KIAA1328: variants seen among roughly 807,000 people sequenced by gnomAD.
The protein encoded by KIAA1328 is KIAA1328.
In KIAA1328, 52 loss-of-function variants were observed where a neutral mutation model predicts 68.1. The observed-to-expected ratio is 0.76, with a 90% confidence interval of 0.61 to 0.96. The LOEUF is 0.96. KIAA1328 is among the 40% of genes least tolerant of loss of function. The pLI, the probability that KIAA1328 is intolerant of heterozygous loss-of-function variation, is 0.00. For missense variants in KIAA1328, 641 were observed against 677.6 expected (o/e 0.95, Z 0.60); for synonymous variants, 232 against 239.4 (o/e 0.97, Z 0.28).
At chr18:36,837,264 A>T (rs2046709488) in intron 3 of KIAA1328, among the ~76,000 whole-genome samples, 1 of 152,134 alleles carries the variant, frequency 6.6e-6, no homozygotes, top group Non-Finnish European at 1.5e-5. Context: ...ATTTATGTCC[A>T]TCTTTTTTGA....
chr18:37,098,650 T>G (rs770825156), intron 7 of KIAA1328, among the ~76,000 whole-genome samples: 1 of 152,220 alleles, frequency 6.6e-6, no homozygotes, highest in Non-Finnish European at 1.5e-5. Flanking sequence ...GAAGGAATGG[T>G]ACCAGTTCCT....
intron 7 of KIAA1328, among the ~76,000 whole-genome samples, chr18:37,118,045 C>CT (rs888310133): frequency 6.8e-6 from 1 of 146,032 alleles, no homozygotes; most frequent in Admixed American, 6.8e-5. Context: ...AATTTGGTCG[C>CT]TCAGGCTGGC....
At chr18:37,037,848 TC>T (rs2151609582) in intron 6 of KIAA1328, among the ~76,000 whole-genome samples, 1 of 152,190 alleles carries the variant, frequency 6.6e-6, no homozygotes, top group East Asian at 1.9e-4. Context: ...ACACCTGTAA[TC>T]CCAGCACTTT....
intron 4 of KIAA1328, among the ~76,000 whole-genome samples, chr18:36,845,417 T>G (rs1414402175): frequency 6.6e-6 from 1 of 151,760 alleles, no homozygotes; most frequent in Non-Finnish European, 1.5e-5. Flanking sequence ...TTTGATGGTA[T>G]TGAAAAGCTA....
At chr18:36,886,049 A>G (rs2048490454) in intron 5 of KIAA1328, 1 of 206,448 alleles carries the variant, frequency 4.8e-6, no homozygotes, top group Non-Finnish European at 9.6e-6. Flanking sequence ...GACAATGTAA[A>G]CTCCAGAGAA....
intron 5 of KIAA1328, among the ~76,000 whole-genome samples, chr18:36,932,902 A>G (rs1320538488): frequency 6.6e-6 from 1 of 152,226 alleles, no homozygotes; most frequent in African/African-American, 2.4e-5. Context: ...GAAAAATAAT[A>G]AAAACACAGA....
chr18:36,944,712 A>G (rs775269664), intron 5 of KIAA1328, among the ~76,000 whole-genome samples: 9 of 152,222 alleles, frequency 5.9e-5, no homozygotes, highest in Admixed American at 2.0e-4. Context: ...AGCAATCAGT[A>G]AGGAAGAAAC....
intron 4 of KIAA1328, among the ~76,000 whole-genome samples, chr18:36,870,456 AT>A (rs1239276893): frequency 6.6e-6 from 1 of 151,208 alleles, no homozygotes; most frequent in Admixed American, 6.7e-5. Context: ...AAATATTAAA[AT>A]TATTCCATTA....
chr18:37,144,260 A>G (rs1373733062), intron 7 of KIAA1328, among the ~76,000 whole-genome samples: 1 of 152,148 alleles, frequency 6.6e-6, no homozygotes, highest in East Asian at 1.9e-4. Flanking sequence ...TAGTGATACC[A>G]TCTCTGATTC....
Position 37,224,712 on chromosome 18 carries a change from A to G in KIAA1328, c.*2485A>G. 7 of 985,422 alleles carry G rather than the reference A, an allele frequency of 7.1e-6. No individual in the cohort carries two copies. The highest frequency in any genetic ancestry group is 8.4e-6 in the Non-Finnish European group (7 of 829,938). The allele number at this position is 985,422 out of a possible 1,614,324, so 61.0% of individuals were successfully genotyped here. On this transcript the variant is annotated 3_prime_UTR_variant, in exon 10 of 10. Coordinates refer to ENST00000280020, the MANE Select transcript of KIAA1328 (RefSeq NM_020776.3). ...AGGAATCTGCCTTTCCTCCGTCTCA[A>G]GTCTCCCACCCTTGACTGGTTGGGA...
At chr18:37,029,462 C>T (rs960563911) in intron 6 of KIAA1328, among the ~76,000 whole-genome samples, 2 of 152,094 alleles carry the variant, frequency 1.3e-5, no homozygotes, top group Non-Finnish European at 2.9e-5. Context: ...CAACTTCCAC[C>T]TCCCGGGCTC....
chr18:36,863,396 C>T (rs1239858836), intron 4 of KIAA1328, among the ~76,000 whole-genome samples: 1 of 151,994 alleles, frequency 6.6e-6, no homozygotes, highest in Non-Finnish European at 1.5e-5. Context: ...GTGTCTATTT[C>T]TCTGTCAACT....
At chr18:36,940,150 A>G (rs545593076) in intron 5 of KIAA1328, among the ~76,000 whole-genome samples, 122 of 152,348 alleles carry the variant, frequency 8.0e-4, no homozygotes, top group Admixed American at 1.6e-3. Context: ...GCTTTTCTTG[A>G]CTTCAGAAGT....
At chr18:36,930,627 G>T (rs1412133785) in intron 5 of KIAA1328, among the ~76,000 whole-genome samples, 1 of 152,144 alleles carries the variant, frequency 6.6e-6, no homozygotes, top group East Asian at 1.9e-4. Flanking sequence ...TGGGCATTTT[G>T]ATTCTTACAA....
intron 6 of KIAA1328, among the ~76,000 whole-genome samples, chr18:37,041,191 AT>A (rs1323142733): frequency 1.3e-5 from 2 of 151,754 alleles, no homozygotes; most frequent in Non-Finnish European, 2.9e-5. Flanking sequence ...TTCTTTTTCA[AT>A]TTTGTCAATT....
At chr18:37,108,196 G>C (rs555949749) in intron 7 of KIAA1328, among the ~76,000 whole-genome samples, 1 of 152,256 alleles carries the variant, frequency 6.6e-6, no homozygotes, top group East Asian at 1.9e-4. Context: ...GCATAAAAAA[G>C]AATGAAGTCA....
intron 7 of KIAA1328, among the ~76,000 whole-genome samples, chr18:37,079,120 CA>C (rs1385883869): frequency 7.0e-6 from 1 of 142,868 alleles, no homozygotes; most frequent in Admixed American, 7.0e-5. Context: ...GAAAATGTGG[CA>C]CATATACACC....
rs528307809 is a variant in KIAA1328, at chr18:36,969,251, C to T, written c.576+9816C>T. ...AACTAGAGAAGCAAGAGCAAACCAC[C>T]CCAAAGGAAGAGGTGACAGGAAATA... On this transcript the variant is annotated intron_variant, in intron 6 of 9. Transcript: ENST00000280020. Among the ~76,000 whole-genome samples, 7 of 151,872 alleles carry T rather than the reference C, an allele frequency of 4.6e-5. No homozygotes were observed. The East Asian group carries it at 1.4e-3, about 29-fold the overall frequency.
chr18:37,155,891 A>T (rs563554189), intron 7 of KIAA1328, among the ~76,000 whole-genome samples: 19 of 152,306 alleles, frequency 1.2e-4, no homozygotes, highest in African/African-American at 4.6e-4. Context: ...ATTTGCTAAT[A>T]CTTTTTTATT....
Sources: allele counts gnomAD v4.1 joint callset (sites outside exome capture counted in the v4.1 genomes callset), GRCh38; gene constraint gnomAD v4.1.1; transcripts MANE v1.5; gene names NCBI Gene and HGNC (gene_info 2026-07-23, HGNC 2026-07-21).